ASB18: variants seen among roughly 807,000 people sequenced by gnomAD.
The protein encoded by ASB18 is ankyrin repeat and SOCS box protein 18.
Under a neutral mutation model 33.4 loss-of-function variants are expected in ASB18, and 33 were observed. That is an observed-to-expected ratio of 0.99 (90% confidence interval 0.75 to 1.32). The LOEUF is 1.32. Ranked by LOEUF, ASB18 falls within the 40% of genes most tolerant of loss-of-function variation. The probability of loss-of-function intolerance (pLI) is 0.00; values close to 1 mark genes in which losing one functional copy is unlikely to be tolerated. For synonymous variants in ASB18, 295 were observed against 307.6 expected, an observed-to-expected ratio of 0.96 and a Z score of 0.43; for missense variants, 694 against 655.5, an observed-to-expected ratio of 1.06 and a Z score of -0.64.
rs1464135011 is a variant in ASB18 at position 236,195,441 on chromosome 2, GCAT to G, written c.1216-387_1216-385del. On this transcript the variant is annotated intron_variant, in intron 5 of 5. Coordinates refer to ENST00000409749, the MANE Select transcript of ASB18 (RefSeq NM_212556.4). This position sits in a 1 kb window ranked among gnomAD's most constrained non-coding sequence, Gnocchi z 5.5. Reference sequence around the variant, plus strand: ...GGAGGGGCTCAGGAGCGAGTGCATGGCATTGGTCTGGTGGTCAGTCATGCACAC... The same window carrying G: ...GGAGGGGCTCAGGAGCGAGTGCATGGTGGTCTGGTGGTCAGTCATGCACAC... Among the ~76,000 whole-genome samples the G allele has an allele frequency of 1.3e-5, 2 of 152,034 alleles. No homozygotes were observed. Among genetic ancestry groups the G allele is most frequent in the Non-Finnish European group, 2.9e-5 (2 of 68,024 alleles).
rs1303779161 is a variant in ASB18 at position 236,249,605 on chromosome 2, A to T, written c.206-8203T>A. 1 of 152,246 alleles carries T rather than the reference A, an allele frequency of 6.6e-6. No homozygotes were observed. Among genetic ancestry groups the T allele is most frequent in the East Asian group, 1.9e-4 (1 of 5,182 alleles). 9.4% of individuals were successfully genotyped at this position (152,246 alleles called of 1,614,324 possible). ...ACAATGCCCTTCTTGAAAGAGAGGG[A>T]TTCTGATGAATATAATTTTCTCCAA... On this transcript the variant is annotated intron_variant, in intron 1 of 5. Coordinates refer to ENST00000409749, the MANE Select transcript of ASB18 (RefSeq NM_212556.4). The surrounding 1 kb of genome is among the most constrained non-coding windows in gnomAD (Gnocchi z 4.6).
Position 236,194,950 on chromosome 2 carries a change from A to G in ASB18, c.1323T>C (p.Phe441=), listed in dbSNP as rs1412563894. ...GCAAGGGTAACAGGGGGATGAGGTC[A>G]AAGCACCTTTTGCCAAACAGTCTGC... The part of the protein sequence containing the change: ...ALRRLFGKRC[F]DLIPLLPLPK... Residue 441 remains phenylalanine (F), a synonymous_variant, in exon 6 of 6, where the codon TTT becomes TTC. Transcript: ENST00000409749. The surrounding 1 kb of genome is among the most constrained non-coding windows in gnomAD (Gnocchi z 4.5). 1 of 1,613,946 alleles carries G rather than the reference A, an allele frequency of 6.2e-7. No homozygotes were observed. Among genetic ancestry groups the G allele is most frequent in the Admixed American group, 1.7e-5 (1 of 60,014 alleles).
rs999780060 is a variant in ASB18, at chr2:236,196,277, A to G, written c.1210T>C (p.Phe404Leu). The G allele has an allele frequency of 1.9e-6, 3 of 1,541,754 alleles. No individual in the cohort carries two copies. The African/African-American group carries it at 4.1e-5, about 21-fold the overall frequency. The change falls in exon 5 of 6, where the codon TTC (phenylalanine) becomes CTC (leucine). Residue 404 changes from phenylalanine (F) to leucine (L), a missense_variant. Phe to Leu is a conservative substitution (Grantham distance 22, BLOSUM62 0). Coordinates refer to ENST00000409749, the MANE Select transcript of ASB18 (RefSeq NM_212556.4). The surrounding 1 kb of genome is among the most constrained non-coding windows in gnomAD (Gnocchi z 5.6). The part of the protein sequence containing the change: ...SWKEVIPEEV[F>L]QMHKPFYQSL... ...CAGAAAGGCAGCCCTCTTGCCTGGAATACTTCCTCAGGAATCACTTCCTTC... is the reference window on the plus strand; with the variant it reads ...CAGAAAGGCAGCCCTCTTGCCTGGAGTACTTCCTCAGGAATCACTTCCTTC...
At chr2:236,218,570 C>T (rs6728180) in intron 3 of ASB18, among the ~76,000 whole-genome samples, 2 of 151,902 alleles carry the variant, frequency 1.3e-5, no homozygotes, top group African/African-American at 2.4e-5. Flanking sequence ...AGGCCAAGGC[C>T]GGCGGATTGC....
chr2:236,230,043 A>G (rs2060557450), intron 3 of ASB18, among the ~76,000 whole-genome samples: 1 of 152,096 alleles, frequency 6.6e-6, no homozygotes, highest in African/African-American at 2.4e-5. Context: ...TAAGTGACAC[A>G]GAAATGACAC....
rs976558168 is a variant in ASB18 at position 236,194,016 on chromosome 2, T to G, written c.*856A>C. Among the ~76,000 whole-genome samples the G allele has an allele frequency of 6.6e-6, 1 of 152,188 alleles. No homozygotes were observed. The highest frequency in any genetic ancestry group is 2.4e-5 in the African/African-American group (1 of 41,440). On this transcript the variant is annotated 3_prime_UTR_variant, in exon 6 of 6. Transcript: ENST00000409749. This position sits in a 1 kb window ranked among gnomAD's most constrained non-coding sequence, Gnocchi z 4.5. ...GTTCCTGCCCTGCACACTGAGTTGC[T>G]GGGGTGGACTCTGGCCACGCACGAC...
At chr2:236,246,494 T>C (rs776149457) in intron 1 of ASB18, among the ~76,000 whole-genome samples, 6 of 151,994 alleles carry the variant, frequency 3.9e-5, no homozygotes, top group South Asian at 2.1e-4. Flanking sequence ...ATGTCATCAA[T>C]TGGAACAGCA....
chr2:236,206,537 CA>C (rs530806317), intron 4 of ASB18, among the ~76,000 whole-genome samples: 145 of 152,276 alleles, frequency 9.5e-4, no homozygotes, highest in African/African-American at 3.4e-3. Flanking sequence ...GGACATCATC[CA>C]GACACTGAAA....
At chr2:236,207,089 C>A (rs555946671) in intron 4 of ASB18, among the ~76,000 whole-genome samples, 3 of 152,328 alleles carry the variant, frequency 2.0e-5, no homozygotes, top group African/African-American at 7.2e-5. Flanking sequence ...TTGGCTGAGT[C>A]CGACTAGAAG....
intron 4 of ASB18, among the ~76,000 whole-genome samples, chr2:236,207,492 C>T (rs77047395): frequency 0.034 from 5,112 of 152,288 alleles, 213 homozygotes; most frequent in African/African-American, 0.1. Context: ...TCGGTTTGTC[C>T]TCTTTTCCCC....
chr2:236,231,040 T>C lies in ASB18; in HGVS notation c.596+6649A>G, dbSNP rs143443971. ...ATGGTATGGTAGGCAGTATCTAGCA[T>C]GGTCCCCCACTGAAGTCTATCTTCT... On this transcript the variant is annotated intron_variant, in intron 3 of 5. Coordinates refer to ENST00000409749, the MANE Select transcript of ASB18 (RefSeq NM_212556.4). This position sits in a 1 kb window ranked among gnomAD's most constrained non-coding sequence, Gnocchi z 5.5. Among the ~76,000 whole-genome samples, 46 of 152,328 alleles carry C rather than the reference T, an allele frequency of 3.0e-4. 1 individual carries two copies. The East Asian group carries it at 8.9e-3, about 29-fold the overall frequency.
chr2:236,236,405 C>T (rs772277560), intron 3 of ASB18, among the ~76,000 whole-genome samples: 19 of 152,082 alleles, frequency 1.2e-4, no homozygotes, highest in Non-Finnish European at 2.2e-4. Context: ...CCGTGGGCAC[C>T]GTGAGGCCAC....
Position 236,211,683 on chromosome 2 carries a change from A to G in ASB18, c.1101+2679T>C, listed in dbSNP as rs1368331435. Among the ~76,000 whole-genome samples, 1 of 152,182 alleles carries G rather than the reference A, an allele frequency of 6.6e-6. No homozygotes were observed. Among genetic ancestry groups the G allele is most frequent in the Non-Finnish European group, 1.5e-5 (1 of 68,026 alleles). ...TTGCTTTGATGTCGCACATGATTAGATGCCGTCCCTGGAGGAGCGATTGCA... is the reference window on the plus strand; with the variant it reads ...TTGCTTTGATGTCGCACATGATTAGGTGCCGTCCCTGGAGGAGCGATTGCA... On this transcript the variant is annotated intron_variant, in intron 4 of 5. Coordinates refer to ENST00000409749, the MANE Select transcript of ASB18 (RefSeq NM_212556.4). The surrounding 1 kb of genome is among the most constrained non-coding windows in gnomAD (Gnocchi z 5.0).
In ASB18 at chr2:236,251,970, A is replaced by G. The variant is rs1246525479; in HGVS notation, c.206-10568T>C. Among the ~76,000 whole-genome samples, 1 of 152,296 alleles carries G rather than the reference A, an allele frequency of 6.6e-6. No individual in the cohort carries two copies. The highest frequency in any genetic ancestry group is 1.9e-4 in the East Asian group (1 of 5,180). On this transcript the variant is annotated intron_variant, in intron 1 of 5. Transcript: ENST00000409749. The surrounding 1 kb of genome is among the most constrained non-coding windows in gnomAD (Gnocchi z 5.3). ...TTTTTCAGGTACAAGAAGCTTACAG[A>G]AATAAATAGTAGAAATCTGGCCGGG...
At position 236,196,459 on chromosome 2, in the gene ASB18, GT is replaced by G. The variant is rs1382432216; in HGVS notation, c.1102-75del. 7.6e-6 allele frequency: 6 copies of G among 784,754 alleles called. No homozygotes were observed. The highest frequency in any genetic ancestry group is 1.3e-5 in the Non-Finnish European group (6 of 456,696). 48.6% of individuals were successfully genotyped at this position (784,754 alleles called of 1,614,324 possible). ...TCTCAGTGGGGAAAGGGTGGGGGGT[GT>G]GGGGGGATGCTCTCCCTAGCTGTGT... On this transcript the variant is annotated intron_variant, in intron 4 of 5. Transcript: ENST00000409749. This position sits in a 1 kb window ranked among gnomAD's most constrained non-coding sequence, Gnocchi z 5.6.
At position 236,237,728 on chromosome 2, in the gene ASB18, A is replaced by G; in HGVS notation, c.557T>C (p.Leu186Pro). Residue 186 changes from leucine (L) to proline (P), a missense_variant, in exon 3 of 6, where the codon CTG becomes CCG. Leu to Pro is a moderately conservative substitution (Grantham distance 98). Transcript: ENST00000409749. This position sits in a 1 kb window ranked among gnomAD's most constrained non-coding sequence, Gnocchi z 6.2. ...CGTGCGGCAGAGGTGCAGAGGCGCC[A>G]GGCCCTCGGCGCTGAGCAGGTCGGG... ...ADPDLLSAEG[L>P]APLHLCRTAA... is the part of the protein sequence containing the mutation. The G allele has an allele frequency of 6.8e-7, 1 of 1,460,540 alleles. No individual in the cohort carries two copies. The highest frequency in any genetic ancestry group is 9.0e-7 in the Non-Finnish European group (1 of 1,112,216). The allele number at this position is 1,460,540 out of a possible 1,614,324, so 90.5% of individuals were successfully genotyped here. A position where few individuals can be genotyped will look rare whatever the true frequency, so the allele number is the denominator to read the frequency against.
intron 1 of ASB18, chr2:236,247,434 GA>G (rs2060650220): frequency 6.6e-6 from 1 of 152,188 alleles, no homozygotes; most frequent in Non-Finnish European, 1.5e-5. Context: ...TCAAACAGGA[GA>G]AAGCAAGGAG....
In ASB18 at chr2:236,216,403, T is replaced by C. The variant is rs1188169348; in HGVS notation, c.597-1537A>G. Among the ~76,000 whole-genome samples the C allele has an allele frequency of 6.6e-6, 1 of 152,212 alleles. No individual in the cohort carries two copies. Among genetic ancestry groups the C allele is most frequent in the Non-Finnish European group, 1.5e-5 (1 of 68,030 alleles). ...ACATCTGTTTCAACACTGATTAGAA[T>C]CTGTTTTGACAACAGCTGTTGCCTC... is the stretch of plus-strand genomic sequence containing the variant. On this transcript the variant is annotated intron_variant, in intron 3 of 5. Transcript: ENST00000409749. This position sits in a 1 kb window ranked among gnomAD's most constrained non-coding sequence, Gnocchi z 6.1.
In ASB18 at chr2:236,214,265, T is replaced by C; in HGVS notation, c.1101+97A>G. The C allele has an allele frequency of 1.5e-6, 2 of 1,314,270 alleles. No individual in the cohort carries two copies. The highest frequency in any genetic ancestry group is 5.6e-5 in the East Asian group (2 of 35,456). The allele number at this position is 1,314,270 out of a possible 1,614,324, so 81.4% of individuals were successfully genotyped here. ...AAGTCCCCAGGGGTGCCTGGGCCATTACACTTTGAGAGCGCCGCATGCAAC... is the reference window on the plus strand; with the variant it reads ...AAGTCCCCAGGGGTGCCTGGGCCATCACACTTTGAGAGCGCCGCATGCAAC... On this transcript the variant is annotated intron_variant, in intron 4 of 5. Coordinates refer to ENST00000409749, the MANE Select transcript of ASB18 (RefSeq NM_212556.4). The surrounding 1 kb of genome is among the most constrained non-coding windows in gnomAD (Gnocchi z 6.5).
Sources: allele counts gnomAD v4.1 joint callset (sites outside exome capture counted in the v4.1 genomes callset), GRCh38; gene constraint gnomAD v4.1.1; non-coding constraint Gnocchi (gnomAD v3.1); transcripts MANE v1.5; gene names NCBI Gene and HGNC (gene_info 2026-07-23, HGNC 2026-07-21).